The following GALNT18 variants were observed in gnomAD, a reference collection of about 807,000 sequenced individuals.
GALNT18 encodes polypeptide N-acetylgalactosaminyltransferase 18.
A neutral mutation model predicts 69.5 loss-of-function variants in GALNT18; 44 were observed. The ratio of observed to expected loss-of-function variants is 0.63; its 90% CI spans 0.50 to 0.81. The LOEUF is 0.81. GALNT18 is among the 40% of genes least tolerant of loss of function. GALNT18 has a pLI of 0.00. For synonymous variants in GALNT18, 364 were observed against 318.2 expected, an observed-to-expected ratio of 1.14 and a Z score of -1.53; for missense variants, 715 against 810.0, an observed-to-expected ratio of 0.88 and a Z score of 1.42.
rs1858858977 is a variant in GALNT18 at position 11,573,945 on chromosome 11, T to A, written c.235+47414A>T. 6.6e-6 allele frequency among the ~76,000 whole-genome samples: 1 copy of A among 152,078 alleles called. No homozygotes were observed. Among genetic ancestry groups the A allele is most frequent in the Non-Finnish European group, 1.5e-5 (1 of 68,018 alleles). On this transcript the variant is annotated intron_variant, in intron 1 of 10. Coordinates refer to ENST00000227756, the MANE Select transcript of GALNT18 (RefSeq NM_198516.3). The surrounding 1 kb of genome is among the most constrained non-coding windows in gnomAD (Gnocchi z 4.6). ...AACATCTCATTATAGAAGGCAGAGTTCAGAGAAATTAGGATGGCTGCCCAA... is the reference window on the plus strand; with the variant it reads ...AACATCTCATTATAGAAGGCAGAGTACAGAGAAATTAGGATGGCTGCCCAA...
chr11:11,398,402 A>G (rs1777398767), intron 3 of GALNT18, among the ~76,000 whole-genome samples: 2 of 152,212 alleles, frequency 1.3e-5, no homozygotes, highest in Admixed American at 1.3e-4. Context: ...GCACTTTCTA[A>G]GCACTTTTCA....
In GALNT18 at chr11:11,591,327, A is replaced by C. The variant is rs912738293; in HGVS notation, c.235+30032T>G. Reference sequence around the variant, plus strand: ...ACTGATAATACTGTGTTAACAATGCATTTCTCAGAACATATCCCCATCATT... The same window carrying C: ...ACTGATAATACTGTGTTAACAATGCCTTTCTCAGAACATATCCCCATCATT... On this transcript the variant is annotated intron_variant, in intron 1 of 10. Transcript: ENST00000227756. The surrounding 1 kb of genome is among the most constrained non-coding windows in gnomAD (Gnocchi z 4.8). 6.6e-6 allele frequency among the ~76,000 whole-genome samples: 1 copy of C among 152,186 alleles called. No individual in the cohort carries two copies. The highest frequency in any genetic ancestry group is 1.5e-5 in the Non-Finnish European group (1 of 68,034).
In GALNT18 at chr11:11,555,274, G is replaced by T. The variant is rs11825910; in HGVS notation, c.235+66085C>A. 3.2e-3 allele frequency among the ~76,000 whole-genome samples: 494 copies of T among 152,270 alleles called. 5 individuals carry two copies. Among genetic ancestry groups the T allele is most frequent in the African/African-American group, 0.012 (478 of 41,554 alleles). ...GCCCCTCTCTGACAGCCAACAGGCT[G>T]CAGGGTTCTCTGTTTTCAGGAGATC... On this transcript the variant is annotated intron_variant, in intron 1 of 10. Transcript: ENST00000227756. This position sits in a 1 kb window ranked among gnomAD's most constrained non-coding sequence, Gnocchi z 4.7.
At chr11:11,457,523 G>A (rs1465982503) in intron 1 of GALNT18, among the ~76,000 whole-genome samples, 3 of 152,206 alleles carry the variant, frequency 2.0e-5, no homozygotes, top group African/African-American at 7.2e-5. Flanking sequence ...GCTGTTGGAG[G>A]TCAAAGTGGT....
chr11:11,453,637 T>C (rs573843640), intron 1 of GALNT18, among the ~76,000 whole-genome samples: 1 of 152,318 alleles, frequency 6.6e-6, no homozygotes, highest in South Asian at 2.1e-4. Flanking sequence ...TGGAGGTAAC[T>C]GAATCATGGG....
rs1456066234 is a variant in GALNT18, at chr11:11,511,821, C to G, written c.236-62885G>C. ...GCAGTAAACAACCCAGAAGAGGGCCCTCACCAGACCCGGACCACACTGGTA... is the reference window on the plus strand; with the variant it reads ...GCAGTAAACAACCCAGAAGAGGGCCGTCACCAGACCCGGACCACACTGGTA... On this transcript the variant is annotated intron_variant, in intron 1 of 10. Coordinates refer to ENST00000227756, the MANE Select transcript of GALNT18 (RefSeq NM_198516.3). The surrounding 1 kb of genome is among the most constrained non-coding windows in gnomAD (Gnocchi z 4.9). Among the ~76,000 whole-genome samples the G allele has an allele frequency of 2.6e-5, 4 of 152,238 alleles. No individual in the cohort carries two copies. Among genetic ancestry groups the G allele is most frequent in the South Asian group, 4.2e-4 (2 of 4,816 alleles).
At chr11:11,310,498 A>G (rs985048648) in intron 9 of GALNT18, among the ~76,000 whole-genome samples, 1 of 152,202 alleles carries the variant, frequency 6.6e-6, no homozygotes, top group African/African-American at 2.4e-5. Flanking sequence ...CAGTTGTACA[A>G]GAAGCAAGAC....
At chr11:11,574,300 A>C (rs1858867166) in intron 1 of GALNT18, among the ~76,000 whole-genome samples, 1 of 152,170 alleles carries the variant, frequency 6.6e-6, no homozygotes, top group African/African-American at 2.4e-5. Context: ...CTACAAATGA[A>C]TCCCAGCCCT....
chr11:11,515,748 C>A (rs1252124655), intron 1 of GALNT18, among the ~76,000 whole-genome samples: 2 of 152,202 alleles, frequency 1.3e-5, no homozygotes, highest in Admixed American at 6.5e-5. Context: ...AGCCTTGTGG[C>A]TGTCTGGGAG....
At chr11:11,384,814 G>A (rs1172802719) in intron 3 of GALNT18, among the ~76,000 whole-genome samples, 13 of 152,090 alleles carry the variant, frequency 8.5e-5, no homozygotes, top group Non-Finnish European at 1.6e-4. Flanking sequence ...TCAGTCCATG[G>A]GACTTTGTTA....
At position 11,347,753 on chromosome 11, in the gene GALNT18, C is replaced by G. The variant is rs1010821802; in HGVS notation, c.1093-6749G>C. Among the ~76,000 whole-genome samples the G allele has an allele frequency of 3.3e-5, 5 of 152,204 alleles. No homozygotes were observed. Among genetic ancestry groups the G allele is most frequent in the African/African-American group, 1.2e-4 (5 of 41,446 alleles). ...AAACTCTTGGAACTAATGACTTGTA[C>G]GACTCATGTGGTCCTTATTTCTTGG... On this transcript the variant is annotated intron_variant, in intron 6 of 10. Coordinates refer to ENST00000227756, the MANE Select transcript of GALNT18 (RefSeq NM_198516.3). The surrounding 1 kb of genome is among the most constrained non-coding windows in gnomAD (Gnocchi z 4.0).
intron 3 of GALNT18, among the ~76,000 whole-genome samples, chr11:11,411,596 T>G (rs1273560785): frequency 1.3e-5 from 2 of 152,220 alleles, no homozygotes; most frequent in African/African-American, 2.4e-5. Context: ...GCCATCCTTC[T>G]ACAGCAAATC....
chr11:11,471,902 A>G (rs1856279068), intron 1 of GALNT18, among the ~76,000 whole-genome samples: 1 of 152,214 alleles, frequency 6.6e-6, no homozygotes, highest in Non-Finnish European at 1.5e-5. Context: ...CCTCCCCATC[A>G]GCAGCACAGT....
chr11:11,312,701 T>G (rs1301721433), intron 9 of GALNT18, among the ~76,000 whole-genome samples: 1 of 152,180 alleles, frequency 6.6e-6, no homozygotes, highest in Non-Finnish European at 1.5e-5. Context: ...AAAAACAGGC[T>G]TCAGATTAAG....
At chr11:11,508,120 C>T (rs941172160) in intron 1 of GALNT18, among the ~76,000 whole-genome samples, 1 of 152,126 alleles carries the variant, frequency 6.6e-6, no homozygotes, top group Non-Finnish European at 1.5e-5. Flanking sequence ...CAATCATGTC[C>T]TTTATAGCTC....
At chr11:11,515,350 G>C (rs909866284) in intron 1 of GALNT18, among the ~76,000 whole-genome samples, 1 of 141,988 alleles carries the variant, frequency 7.0e-6, no homozygotes, top group Non-Finnish European at 1.5e-5. Context: ...AAAAAAGGGC[G>C]GGGGGGATGG....
intron 10 of GALNT18, among the ~76,000 whole-genome samples, chr11:11,285,292 C>A (rs1004410892): frequency 1.3e-5 from 2 of 152,168 alleles, no homozygotes; most frequent in Non-Finnish European, 1.5e-5. Context: ...ATGACTTAAT[C>A]TCTCCATGCC....
At chr11:11,274,655 C>A (rs12797224) in intron 10 of GALNT18, among the ~76,000 whole-genome samples, 33,868 of 152,130 alleles carry the variant, frequency 0.22, 4,062 homozygotes, top group Non-Finnish European at 0.27. Flanking sequence ...CACCCATCAA[C>A]CTGTCACCTA....
Position 11,379,125 on chromosome 11 carries a change from A to T in GALNT18, c.735T>A (p.Pro245=), listed in dbSNP as rs1853845724. 1 of 1,610,628 alleles carries T rather than the reference A, an allele frequency of 6.2e-7. No homozygotes were observed. The highest frequency in any genetic ancestry group is 1.3e-5 in the African/African-American group (1 of 74,978). The part of the protein sequence containing the change: ...RVSGWRAATA[P]VVALFDAHVE... ...CGTGGGCATCAAAGAGTGCCACCACAGGGGCAGTGGCCGCCCTCCAGCCAC... is the reference window on the plus strand; with the variant it reads ...CGTGGGCATCAAAGAGTGCCACCACTGGGGCAGTGGCCGCCCTCCAGCCAC... The change falls in exon 4 of 11, where the codon CCT becomes CCA. Residue 245 remains proline, a synonymous_variant. Transcript: ENST00000227756.
Sources: gnomAD v4.1 joint callset for allele counts (sites outside exome capture counted in the v4.1 genomes callset) on GRCh38, gnomAD v4.1.1 for gene constraint, Gnocchi (gnomAD v3.1) non-coding constraint, MANE v1.5 for transcripts, NCBI Gene and HGNC (gene_info 2026-07-23, HGNC 2026-07-21) for gene names.